FBXO8: variants seen among roughly 807,000 people sequenced by gnomAD.
FBXO8 encodes F-box only protein 8.
Under a neutral mutation model 33.4 loss-of-function variants are expected in FBXO8, and 15 were observed. The observed-to-expected ratio is 0.45, with a 90% CI of 0.30 to 0.69. FBXO8 has a LOEUF of 0.69. Among genes scored for constraint, FBXO8 ranks in the 30% least tolerant of loss-of-function variants. FBXO8 has a pLI of 0.08. For synonymous variants in FBXO8, 132 were observed against 131.5 expected (o/e 1.00, Z -0.02); for missense variants, 274 against 380.3 (o/e 0.72, Z 2.32).
chr4:174,258,818 A>T (rs1736475792), intron 3 of FBXO8, among the ~76,000 whole-genome samples: 1 of 152,060 alleles, frequency 6.6e-6, no homozygotes, highest in South Asian at 2.1e-4. Flanking sequence ...TTCCCTAATT[A>T]TAACAAAGTT....
chr4:174,256,720 T>G lies in FBXO8; in HGVS notation c.456+2979A>C, dbSNP rs1350744436. 6.6e-6 allele frequency among the ~76,000 whole-genome samples: 1 copy of G among 152,206 alleles called. No homozygotes were observed. The highest frequency in any genetic ancestry group is 2.1e-4 in the South Asian group (1 of 4,830). The stretch of plus-strand genomic sequence containing the variant: ...TTTCCTAAGTGCATTCTGGTAAAGA[T>G]AGCATTTTCTTTTGCTATTAGGTAA... On this transcript the variant is annotated intron_variant, in intron 3 of 5. Transcript: ENST00000393674. The surrounding 1 kb of genome is among the most constrained non-coding windows in gnomAD (Gnocchi z 4.6).
chr4:174,266,236 T>C (rs535862200), intron 1 of FBXO8, among the ~76,000 whole-genome samples: 14 of 152,106 alleles, frequency 9.2e-5, no homozygotes, highest in Non-Finnish European at 2.1e-4. Flanking sequence ...AGCCAGCAGC[T>C]GGTTCTTTAA....
At chr4:174,248,263 T>C (rs1736203325) in intron 3 of FBXO8, among the ~76,000 whole-genome samples, 1 of 152,072 alleles carries the variant, frequency 6.6e-6, no homozygotes, top group Admixed American at 6.6e-5. Flanking sequence ...TTAAGCTGCC[T>C]ATAAATATAA....
In FBXO8 at chr4:174,239,025, A is replaced by T. The variant is rs1245215177; in HGVS notation, c.741T>A (p.Pro247=). 1 of 1,583,978 alleles carries T rather than the reference A, an allele frequency of 6.3e-7. No individual in the cohort carries two copies. Among genetic ancestry groups the T allele is most frequent in the Admixed American group, 1.7e-5 (1 of 57,200 alleles). The part of the protein sequence containing the change: ...KFSHRFCACN[P]DLMRELGLSP... ...TAAGGCCAAGTTCTCGCATTAAATC[A>T]GGGTTGCAAGCACAGAATCTATGTG... The change falls in exon 5 of 6, where the codon CCT becomes CCA. Residue 247 remains proline, a synonymous_variant. Transcript: ENST00000393674.
rs757333943 is a variant in FBXO8, at chr4:174,263,722, T to A, written c.-8-622A>T. Reference sequence around the variant, plus strand: ...TAAATAGCTCGGTAACAGTAGACTATTTAGTTTTGTTGTTGCCTTAAATTA... The same window carrying A: ...TAAATAGCTCGGTAACAGTAGACTAATTAGTTTTGTTGTTGCCTTAAATTA... On this transcript the variant is annotated intron_variant, in intron 1 of 5. Transcript: ENST00000393674. The surrounding 1 kb of genome is among the most constrained non-coding windows in gnomAD (Gnocchi z 4.2). Among the ~76,000 whole-genome samples, 1 of 152,186 alleles carries A rather than the reference T, an allele frequency of 6.6e-6. No individual in the cohort carries two copies. The highest frequency in any genetic ancestry group is 1.5e-5 in the Non-Finnish European group (1 of 68,020).
Position 174,261,970 on chromosome 4 carries a change from C to T in FBXO8, c.329+794G>A, listed in dbSNP as rs910635730. On this transcript the variant is annotated intron_variant, in intron 2 of 5. Transcript: ENST00000393674. This position sits in a 1 kb window ranked among gnomAD's most constrained non-coding sequence, Gnocchi z 4.1. ...TAGAAGGTCTGAGATCCAATGATTC[C>T]ATGTTTGGTAATATTTTTAGGCCAA... 6.6e-5 allele frequency among the ~76,000 whole-genome samples: 10 copies of T among 151,708 alleles called. No homozygotes were observed. Among genetic ancestry groups the T allele is most frequent in the Non-Finnish European group, 1.3e-4 (9 of 67,846 alleles).
At chr4:174,276,761 C>CA (rs1428285368) in intron 1 of FBXO8, among the ~76,000 whole-genome samples, 1 of 152,152 alleles carries the variant, frequency 6.6e-6, no homozygotes, top group Non-Finnish European at 1.5e-5. Flanking sequence ...CTCTGTTTTA[C>CA]AGTAATGTAG....
At position 174,263,473 on chromosome 4, in the gene FBXO8, C is replaced by T. The variant is rs755559792; in HGVS notation, c.-8-373G>A. On this transcript the variant is annotated intron_variant, in intron 1 of 5. Transcript: ENST00000393674. This position sits in a 1 kb window ranked among gnomAD's most constrained non-coding sequence, Gnocchi z 4.2. Reference sequence around the variant, plus strand: ...ATTAAATACAGCTCTGATCAGAGCACGGACTTTAGTTAAAAGGCCTCCAGA... The same window carrying T: ...ATTAAATACAGCTCTGATCAGAGCATGGACTTTAGTTAAAAGGCCTCCAGA... 2.6e-5 allele frequency among the ~76,000 whole-genome samples: 4 copies of T among 152,100 alleles called. No homozygotes were observed. Among genetic ancestry groups the T allele is most frequent in the South Asian group, 2.1e-4 (1 of 4,828 alleles).
intron 1 of FBXO8, among the ~76,000 whole-genome samples, chr4:174,268,415 G>A (rs144802013): frequency 2.0e-5 from 3 of 151,942 alleles, no homozygotes; most frequent in African/African-American, 7.2e-5. Context: ...AGGCTTGGGG[G>A]CCATTTTTTG....
At position 174,261,146 on chromosome 4, in the gene FBXO8, T is replaced by C. The variant is rs1389936923; in HGVS notation, c.330-1321A>G. Among the ~76,000 whole-genome samples the C allele has an allele frequency of 6.6e-6, 1 of 151,936 alleles. No homozygotes were observed. The highest frequency in any genetic ancestry group is 6.6e-5 in the Admixed American group (1 of 15,232). On this transcript the variant is annotated intron_variant, in intron 2 of 5. Coordinates refer to ENST00000393674, the MANE Select transcript of FBXO8 (RefSeq NM_012180.3). This position sits in a 1 kb window ranked among gnomAD's most constrained non-coding sequence, Gnocchi z 4.1. ...GTATAAAAAATTGTTTAGAATATTA[T>C]CAATATTTTTTCAGTCTTATTAATC...
At chr4:174,258,598 G>A (rs2126432472) in intron 3 of FBXO8, among the ~76,000 whole-genome samples, 1 of 152,072 alleles carries the variant, frequency 6.6e-6, no homozygotes, top group East Asian at 1.9e-4. Context: ...CTGGAGATAT[G>A]ACTTAACTGG....
At chr4:174,242,402 G>T (rs1736060127) in intron 3 of FBXO8, among the ~76,000 whole-genome samples, 1 of 151,374 alleles carries the variant, frequency 6.6e-6, no homozygotes, top group Non-Finnish European at 1.5e-5. Context: ...TAATGCTTTT[G>T]AAAGGTTATA....
At position 174,251,073 on chromosome 4, in the gene FBXO8, A is replaced by T. The variant is rs115897206; in HGVS notation, c.456+8626T>A. Among the ~76,000 whole-genome samples, 1,028 of 152,270 alleles carry T rather than the reference A, an allele frequency of 6.8e-3. 14 individuals are homozygous for T. The highest frequency in any genetic ancestry group is 0.023 in the African/African-American group (973 of 41,556). On this transcript the variant is annotated intron_variant, in intron 3 of 5. Coordinates refer to ENST00000393674, the MANE Select transcript of FBXO8 (RefSeq NM_012180.3). The surrounding 1 kb of genome is among the most constrained non-coding windows in gnomAD (Gnocchi z 4.2). The stretch of plus-strand genomic sequence containing the variant: ...TAAAGTCTCTAGTTACAATTACTTA[A>T]ATTGCTAACAAAAGTAAAATTCAAA...
rs1367826481 is a variant in FBXO8, at chr4:174,253,521, C to T, written c.456+6178G>A. On this transcript the variant is annotated intron_variant, in intron 3 of 5. Coordinates refer to ENST00000393674, the MANE Select transcript of FBXO8 (RefSeq NM_012180.3). This position sits in a 1 kb window ranked among gnomAD's most constrained non-coding sequence, Gnocchi z 4.5. Reference sequence around the variant, plus strand: ...GTTCCTCCTTTGGATACTAAGGCCTCTAACCCAGCAGAGACCAGAAACAAG... The same window carrying T: ...GTTCCTCCTTTGGATACTAAGGCCTTTAACCCAGCAGAGACCAGAAACAAG... Among the ~76,000 whole-genome samples, 2 of 152,166 alleles carry T rather than the reference C, an allele frequency of 1.3e-5. No individual in the cohort carries two copies. Among genetic ancestry groups the T allele is most frequent in the Admixed American group, 1.3e-4 (2 of 15,272 alleles).
intron 2 of FBXO8, among the ~76,000 whole-genome samples, chr4:174,260,046 T>C (rs1212374102): frequency 1.3e-5 from 2 of 152,054 alleles, no homozygotes; most frequent in Non-Finnish European, 2.9e-5. Context: ...ATGTGAGTTA[T>C]AGAGATTAAT....
At position 174,253,578 on chromosome 4, in the gene FBXO8, C is replaced by G. The variant is rs377606270; in HGVS notation, c.456+6121G>C. Reference sequence around the variant, plus strand: ...TGAATCACATGTTTTAAGTGTATCACTAGTTAAAATGGCGTTACAGATGCT... The same window carrying G: ...TGAATCACATGTTTTAAGTGTATCAGTAGTTAAAATGGCGTTACAGATGCT... On this transcript the variant is annotated intron_variant, in intron 3 of 5. Transcript: ENST00000393674. The surrounding 1 kb of genome is among the most constrained non-coding windows in gnomAD (Gnocchi z 4.5). Among the ~76,000 whole-genome samples the G allele has an allele frequency of 1.3e-5, 2 of 152,188 alleles. No individual in the cohort carries two copies. The highest frequency in any genetic ancestry group is 1.9e-4 in the East Asian group (1 of 5,190).
At chr4:174,246,021 T>C (rs1057123368) in intron 3 of FBXO8, among the ~76,000 whole-genome samples, 2 of 151,876 alleles carry the variant, frequency 1.3e-5, no homozygotes, top group Admixed American at 6.6e-5. Context: ...TAGTAGGCAG[T>C]TGGTAATGTA....
At chr4:174,243,465 C>A (rs1485608323) in intron 3 of FBXO8, among the ~76,000 whole-genome samples, 10 of 150,296 alleles carry the variant, frequency 6.7e-5, no homozygotes, top group Non-Finnish European at 1.5e-4. Context: ...CTCTAATAAG[C>A]AAGCTGTAAG....
Position 174,265,946 on chromosome 4 carries a change from T to G in FBXO8, c.-8-2846A>C, listed in dbSNP as rs2126440585. Among the ~76,000 whole-genome samples, 1 of 152,330 alleles carries G rather than the reference T, an allele frequency of 6.6e-6. No homozygotes were observed. The highest frequency in any genetic ancestry group is 6.5e-5 in the Admixed American group (1 of 15,298). On this transcript the variant is annotated intron_variant, in intron 1 of 5. Transcript: ENST00000393674. This position sits in a 1 kb window ranked among gnomAD's most constrained non-coding sequence, Gnocchi z 4.7. ...TGTTATTTTAAATAATTAAATTTAT[T>G]CTCTTTTGTTTTTGTACCACTAAAG...
Sources: gnomAD v4.1 joint callset for allele counts (sites outside exome capture counted in the v4.1 genomes callset) on GRCh38, gnomAD v4.1.1 for gene constraint, Gnocchi (gnomAD v3.1) non-coding constraint, MANE v1.5 for transcripts, NCBI Gene and HGNC (gene_info 2026-07-23, HGNC 2026-07-21) for gene names.